NEGR1: variants seen among roughly 807,000 people sequenced by gnomAD.
NEGR1 encodes IgLON family member 4.
NEGR1 carries 10 observed loss-of-function variants against 40.9 expected under a neutral mutation model. The ratio of observed to expected loss-of-function variants is 0.24; its 90% confidence interval spans 0.15 to 0.42. The LOEUF is 0.42. Among genes scored for constraint, NEGR1 ranks in the 10% least tolerant of loss-of-function variants. The pLI is 1.00. For synonymous variants in NEGR1, 185 were observed against 166.8 expected (o/e 1.11, Z -0.84); for missense variants, 352 against 438.9 (o/e 0.80, Z 1.77).
intron 2 of NEGR1, among the ~76,000 whole-genome samples, chr1:71,813,754 G>A (rs1483398341): frequency 6.6e-6 from 1 of 151,954 alleles, no homozygotes; most frequent in Non-Finnish European, 1.5e-5. Flanking sequence ...TGGTGTATAG[G>A]GATGCTTGTG....
intron 1 of NEGR1, among the ~76,000 whole-genome samples, chr1:71,940,082 G>A (rs1645945309): frequency 6.6e-6 from 1 of 152,138 alleles, no homozygotes; most frequent in Non-Finnish European, 1.5e-5. Context: ...GGAGTTCAGT[G>A]AAGTGAGGGT....
intron 3 of NEGR1, among the ~76,000 whole-genome samples, chr1:71,698,868 C>A (rs1039268750): frequency 6.6e-6 from 1 of 151,688 alleles, no homozygotes; most frequent in Non-Finnish European, 1.5e-5. Context: ...GAAAGACTGC[C>A]CCCAAATGAA....
At chr1:71,968,961 G>A (rs149069169) in intron 1 of NEGR1, among the ~76,000 whole-genome samples, 2 of 152,112 alleles carry the variant, frequency 1.3e-5, no homozygotes, top group East Asian at 3.9e-4. Context: ...TTAAATAAGA[G>A]CTGCCATGCT....
intron 1 of NEGR1, among the ~76,000 whole-genome samples, chr1:71,942,459 A>ATATATATATATATATC (rs1266489312): frequency 6.2e-4 from 4 of 6,410 alleles, no homozygotes; most frequent in African/African-American, 1.8e-3. Context: ...TTAAATCTAT[A>ATATATATATATATATC]TATATATATA....
chr1:71,923,367 ACACT>A (rs879146341), intron 2 of NEGR1, among the ~76,000 whole-genome samples: 63 of 150,560 alleles, frequency 4.2e-4, no homozygotes, highest in South Asian at 1.5e-3. Context: ...ACACACACAC[ACACT>A]CTCTCTCTCT....
chr1:71,799,504 T>C (rs1321042955), intron 2 of NEGR1, among the ~76,000 whole-genome samples: 1 of 152,206 alleles, frequency 6.6e-6, no homozygotes, highest in Admixed American at 6.5e-5. Flanking sequence ...ACAGTAAACA[T>C]AGGTGAGCAT....
At chr1:71,637,624 T>C (rs1445266387) in intron 4 of NEGR1, among the ~76,000 whole-genome samples, 1 of 151,976 alleles carries the variant, frequency 6.6e-6, no homozygotes, top group Non-Finnish European at 1.5e-5. Flanking sequence ...GAAGATAGAA[T>C]AGGGAAGCAG....
chr1:72,105,431 T>C (rs1044065563), intron 1 of NEGR1, among the ~76,000 whole-genome samples: 1 of 152,006 alleles, frequency 6.6e-6, no homozygotes, highest in Non-Finnish European at 1.5e-5. Flanking sequence ...TTGAGTGTGC[T>C]GGCTCAAGCC....
chr1:72,213,581 A>G (rs974753292), intron 1 of NEGR1, among the ~76,000 whole-genome samples: 3 of 151,974 alleles, frequency 2.0e-5, no homozygotes, highest in African/African-American at 7.2e-5. Context: ...TATTATGAGG[A>G]GAAAGGGGAT....
chr1:71,787,493 C>A (rs1656955083), intron 2 of NEGR1, among the ~76,000 whole-genome samples: 1 of 152,224 alleles, frequency 6.6e-6, no homozygotes. Flanking sequence ...GAGCAGCTAC[C>A]ACTGATAATT....
At chr1:71,478,843 A>T (rs1646837499) in intron 6 of NEGR1, among the ~76,000 whole-genome samples, 1 of 151,882 alleles carries the variant, frequency 6.6e-6, no homozygotes, top group African/African-American at 2.4e-5. Context: ...GATGAAGCTG[A>T]TACCATGGAT....
intron 1 of NEGR1, among the ~76,000 whole-genome samples, chr1:72,033,625 A>C (rs778772998): frequency 3.3e-5 from 5 of 152,200 alleles, no homozygotes; most frequent in Non-Finnish European, 7.3e-5. Context: ...TTAAGCACTT[A>C]ATTAATTTAA....
rs573870186 is a variant in NEGR1, at chr1:72,018,744, T to C, written c.177-83433A>G. Among the ~76,000 whole-genome samples, 4 of 152,250 alleles carry C rather than the reference T, an allele frequency of 2.6e-5. No homozygotes were observed. In the East Asian group the frequency reaches 5.8e-4, roughly 22 times the overall value. ...TCCAGCAGCAGCCACAAGGCCAGTA[T>C]GGCTGCAGTGAGCTCAGGGCAGGAG... On this transcript the variant is annotated intron_variant, in intron 1 of 6. Coordinates refer to ENST00000357731, the MANE Select transcript of NEGR1 (RefSeq NM_173808.3).
At chr1:71,918,824 T>C (rs1316323536) in intron 2 of NEGR1, among the ~76,000 whole-genome samples, 3 of 152,176 alleles carry the variant, frequency 2.0e-5, no homozygotes, top group African/African-American at 7.2e-5. Flanking sequence ...ATCATTTCAT[T>C]GTTTGCTCAG....
chr1:71,552,535 T>C (rs1468433702), intron 6 of NEGR1, among the ~76,000 whole-genome samples: 1 of 147,850 alleles, frequency 6.8e-6, no homozygotes, highest in African/African-American at 2.5e-5. Flanking sequence ...AGAATATATA[T>C]AGGATATAGT....
chr1:71,974,344 T>G (rs1213470013), intron 1 of NEGR1, among the ~76,000 whole-genome samples: 1 of 152,174 alleles, frequency 6.6e-6, no homozygotes, highest in East Asian at 1.9e-4. Context: ...ATAAACAAAA[T>G]GAATAAAATA....
chr1:72,063,480 C>T (rs567382367), intron 1 of NEGR1, among the ~76,000 whole-genome samples: 5 of 151,888 alleles, frequency 3.3e-5, no homozygotes, highest in South Asian at 2.1e-4. Context: ...GCCATTGTAA[C>T]GGCAAAAACA....
At chr1:71,564,432 T>A (rs898083404) in intron 6 of NEGR1, among the ~76,000 whole-genome samples, 1 of 152,126 alleles carries the variant, frequency 6.6e-6, no homozygotes, top group Non-Finnish European at 1.5e-5. Flanking sequence ...CATTCTGCTA[T>A]CTTTTCTTAC....
chr1:72,161,995 C>T (rs1297811477), intron 1 of NEGR1, among the ~76,000 whole-genome samples: 6 of 151,758 alleles, frequency 4.0e-5, no homozygotes, highest in African/African-American at 7.3e-5. Context: ...CCTGGCCATG[C>T]ATTATTCTAA....
Sources: gnomAD v4.1 joint callset for allele counts (sites outside exome capture counted in the v4.1 genomes callset) on GRCh38, gnomAD v4.1.1 for gene constraint, MANE v1.5 for transcripts, NCBI Gene and HGNC (gene_info 2026-07-23, HGNC 2026-07-21) for gene names.